INTS4: variants seen among roughly 807,000 people sequenced by gnomAD.
INTS4 encodes the protein integrator complex subunit 4.
A neutral mutation model predicts 119.5 loss-of-function variants in INTS4; 70 were observed. The observed-to-expected ratio is 0.59, with a 90% CI of 0.48 to 0.71. The LOEUF (loss-of-function observed/expected upper bound fraction) is 0.71, where lower values mean the gene tolerates loss of function less well. Among genes scored for constraint, INTS4 ranks in the 30% least tolerant of loss-of-function variants. The pLI is 0.00. For synonymous variants in INTS4, 316 were observed against 419.6 expected (o/e 0.75, Z 3.02); for missense variants, 867 against 1,173.2 (o/e 0.74, Z 3.81).
chr11:77,933,206 CT>C (rs1463328427), intron 10 of INTS4, among the ~76,000 whole-genome samples: 1 of 151,816 alleles, frequency 6.6e-6, no homozygotes, highest in East Asian at 1.9e-4. Context: ...CTCCGTCCCC[CT>C]CTCCATCCCC....
chr11:77,979,562 G>A (rs937678941), intron 3 of INTS4, among the ~76,000 whole-genome samples: 7 of 151,950 alleles, frequency 4.6e-5, no homozygotes, highest in Admixed American at 1.3e-4. Context: ...AGTTCCTAAA[G>A]GGATCATGTT....
At position 77,921,307 on chromosome 11, in the gene INTS4, T is replaced by C. The variant is rs780840815; in HGVS notation, c.1764+33A>G. 1.9e-6 allele frequency: 3 copies of C among 1,602,980 alleles called. No individual in the cohort carries two copies. The South Asian group carries it at 3.3e-5, about 18-fold the overall frequency. ...AAAAATAACCCTACCCCATGCAAAATAAAAACAAGGACAACAGATGTTTTC... is the reference window on the plus strand; with the variant it reads ...AAAAATAACCCTACCCCATGCAAAACAAAAACAAGGACAACAGATGTTTTC... On this transcript the variant is annotated intron_variant, in intron 14 of 22. Coordinates refer to ENST00000534064, the MANE Select transcript of INTS4 (RefSeq NM_033547.4).
rs182228301 is a variant in INTS4, at chr11:77,964,591, T to A, written c.472-3453A>T. Among the ~76,000 whole-genome samples the A allele has an allele frequency of 8.2e-3, 1,226 of 150,298 alleles. 16 individuals are homozygous for A. The highest frequency in any genetic ancestry group is 0.027 in the African/African-American group (1,119 of 40,994). The stretch of plus-strand genomic sequence containing the variant: ...TCTTTCTCAAAAATAAAAATAAAAA[T>A]AAAAAATAAATAAAAATAAAAATTA... On this transcript the variant is annotated intron_variant, in intron 4 of 22. Coordinates refer to ENST00000534064, the MANE Select transcript of INTS4 (RefSeq NM_033547.4).
In INTS4 at chr11:77,961,156, A is replaced by AAG. The variant is rs1555038554; in HGVS notation, c.472-19_472-18insCT. ...GTCAGATGCTATTAAAAAAAAAAAA[A>AAG]AAAAGAAAAAAAGAAAAAGAAAAAA... On this transcript the variant is annotated intron_variant, in intron 4 of 22. Transcript: ENST00000534064. The AAG allele has an allele frequency of 1.1e-5, 17 of 1,537,180 alleles. No individual in the cohort carries two copies. Among genetic ancestry groups the AAG allele is most frequent in the East Asian group, 2.3e-5 (1 of 43,640 alleles).
Position 77,960,943 on chromosome 11 carries a change from T to C in INTS4, c.657+10A>G, listed in dbSNP as rs1954455571. 1.9e-6 allele frequency: 3 copies of C among 1,586,258 alleles called. No individual in the cohort carries two copies. Among genetic ancestry groups the C allele is most frequent in the Middle Eastern group, 1.7e-4 (1 of 5,948 alleles). ...CACTAGCCCCAACTAGTTTCCATAA[T>C]CACATTTACCATGGCTTTTATAGCT... On this transcript the variant is annotated intron_variant, in intron 5 of 22. Coordinates refer to ENST00000534064, the MANE Select transcript of INTS4 (RefSeq NM_033547.4).
intron 17 of INTS4, 41 bp downstream of exon 17, chr11:77,903,499 G>T: frequency 6.2e-7 from 1 of 1,606,878 alleles, no homozygotes; most frequent in Non-Finnish European, 8.5e-7. Context: ...GACAATTACT[G>T]GACAGAGACC....
At chr11:77,923,831 C>A (rs1251190861) in intron 12 of INTS4, among the ~76,000 whole-genome samples, 2 of 148,100 alleles carry the variant, frequency 1.4e-5, no homozygotes, top group African/African-American at 2.5e-5. Flanking sequence ...GTGGCACAAT[C>A]TCGGCTCACT....
At chr11:77,977,334 T>C (rs1313634766) in intron 4 of INTS4, among the ~76,000 whole-genome samples, 1 of 152,004 alleles carries the variant, frequency 6.6e-6, no homozygotes, top group Non-Finnish European at 1.5e-5. Context: ...ATCACACAGC[T>C]ATTACAAATT....
intron 14 of INTS4, among the ~76,000 whole-genome samples, chr11:77,919,919 C>T (rs536605552): frequency 2.6e-5 from 4 of 152,172 alleles, no homozygotes; most frequent in Non-Finnish European, 4.4e-5. Context: ...AGCAATTCTC[C>T]TGCCACAGCT....
chr11:77,971,362 T>G (rs1054180016), intron 4 of INTS4, among the ~76,000 whole-genome samples: 1 of 152,038 alleles, frequency 6.6e-6, no homozygotes, highest in Non-Finnish European at 1.5e-5. Flanking sequence ...TAAATACAAT[T>G]ACCAGCTGGG....
intron 4 of INTS4, among the ~76,000 whole-genome samples, chr11:77,974,969 T>C (rs1855886430): frequency 6.6e-6 from 1 of 152,210 alleles, no homozygotes; most frequent in African/African-American, 2.4e-5. Flanking sequence ...AGTCTAGTAA[T>C]TTGAGTCTTC....
At chr11:77,927,059 G>A (rs1238664066) in intron 11 of INTS4, among the ~76,000 whole-genome samples, 1 of 152,100 alleles carries the variant, frequency 6.6e-6, no homozygotes, top group African/African-American at 2.4e-5. Context: ...ATAAGTGGAC[G>A]TCTCCTGGGT....
chr11:77,963,361 AAAAAAAAAAAAAAC>A (rs1276643810), intron 4 of INTS4: 6 of 388,784 alleles, frequency 1.5e-5, no homozygotes, highest in African/African-American at 9.3e-5. Context: ...TCAAAAAAAA[AAAAAAAAAAAAAAC>A]AAAAAAAACT....
chr11:77,940,176 C>T (rs1332400570), intron 9 of INTS4, among the ~76,000 whole-genome samples: 2 of 152,114 alleles, frequency 1.3e-5, no homozygotes, highest in African/African-American at 4.8e-5. Context: ...CATCTGTAAT[C>T]CCAGCACTTT....
intron 9 of INTS4, among the ~76,000 whole-genome samples, chr11:77,940,586 C>G (rs1015446436): frequency 1.3e-5 from 2 of 152,050 alleles, no homozygotes; most frequent in Non-Finnish European, 2.9e-5. Flanking sequence ...TAGTTCCTAA[C>G]AAATAGAAAA....
chr11:77,891,022 A>T (rs1203584897), intron 21 of INTS4, among the ~76,000 whole-genome samples: 2 of 152,194 alleles, frequency 1.3e-5, no homozygotes, highest in Non-Finnish European at 2.9e-5. Context: ...AGATTAGAAA[A>T]GGTCTTATCA....
intron 20 of INTS4, 92 bp from the exon 21 acceptor site, chr11:77,891,554 G>A (rs1174478167): frequency 2.6e-6 from 4 of 1,561,144 alleles, no homozygotes; most frequent in Non-Finnish European, 3.5e-6. Flanking sequence ...TCTAATGAGT[G>A]GGCATGTGGG....
intron 8 of INTS4, among the ~76,000 whole-genome samples, chr11:77,955,035 CTTTCTATATTAAGAAATTCTGGGGCTG>C (rs555694509): frequency 0.015 from 2,242 of 152,170 alleles, 20 homozygotes; most frequent in Middle Eastern, 0.024. Flanking sequence ...TGAACTATTT[CTTTCTATATTAAGAAATTCTGGGGCTG>C]GGAGTAGTGG....
intron 10 of INTS4, among the ~76,000 whole-genome samples, chr11:77,933,728 T>C (rs572006171): frequency 1.3e-5 from 2 of 149,214 alleles, no homozygotes; most frequent in South Asian, 4.2e-4. Flanking sequence ...CCGCCCCCTA[T>C]GAGAAGTGAA....
Sources: gnomAD v4.1 joint callset for allele counts (sites outside exome capture counted in the v4.1 genomes callset) on GRCh38, gnomAD v4.1.1 for gene constraint, MANE v1.5 for transcripts, NCBI Gene and HGNC (gene_info 2026-07-23, HGNC 2026-07-21) for gene names.